Variants in TNXB observed in about 807,000 individuals in gnomAD.
TNXB encodes the protein tenascin-X.
A neutral mutation model predicts 340.5 loss-of-function variants in TNXB; 183 were observed. The ratio of observed to expected loss-of-function variants is 0.54; its 90% confidence interval spans 0.48 to 0.61. The LOEUF is 0.61. Among genes scored for constraint, TNXB ranks in the 20% least tolerant of loss-of-function variants. The probability of loss-of-function intolerance (pLI) is 0.00; values close to 1 mark genes in which losing one functional copy is unlikely to be tolerated. For synonymous variants in TNXB, 2,121 were observed against 2,314.5 expected, an observed-to-expected ratio of 0.92 and a Z score of 2.40; for missense variants, 4,613 against 5,446.4, an observed-to-expected ratio of 0.85 and a Z score of 4.82.
At position 32,097,062 on chromosome 6, in the gene TNXB, C is replaced by T; in HGVS notation, c.791G>A (p.Cys264Tyr). ...ACCAGTGTAGCCTGGGTCACACACG[C>T]AGCGCCCACCCTCACAGCGTCCCCT... ...SQRGRCEGGR[C>Y]VCDPGYTGDD... Residue 264 changes from cysteine (C) to tyrosine (Y), a missense_variant, in exon 3 of 44, where the codon TGC (cysteine) becomes TAC (tyrosine). Transcript: ENST00000644971. The surrounding 1 kb of genome is among the most constrained non-coding windows in gnomAD (Gnocchi z 5.9). 6.2e-7 allele frequency: 1 copy of T among 1,613,798 alleles called. No individual in the cohort carries two copies. Among genetic ancestry groups the T allele is most frequent in the Non-Finnish European group, 8.5e-7 (1 of 1,179,772 alleles).
In TNXB at chr6:32,069,968, T is replaced by C; in HGVS notation, c.5279-107A>G. ...GGAGACAGGGCTTTGCGTGGCTGAGTCCTGCCGGGCTGTGCTAGGGGCTTG... is the reference window on the plus strand; with the variant it reads ...GGAGACAGGGCTTTGCGTGGCTGAGCCCTGCCGGGCTGTGCTAGGGGCTTG... On this transcript the variant is annotated intron_variant, in intron 14 of 43. Transcript: ENST00000644971. This position sits in a 1 kb window ranked among gnomAD's most constrained non-coding sequence, Gnocchi z 6.2. 7.2e-7 allele frequency: 1 copy of C among 1,380,446 alleles called. No homozygotes were observed. The highest frequency in any genetic ancestry group is 9.6e-7 in the Non-Finnish European group (1 of 1,037,582). 85.5% of individuals were successfully genotyped at this position (1,380,446 alleles called of 1,614,324 possible).
At position 32,047,996 on chromosome 6, in the gene TNXB, C is replaced by A. The variant is rs777306398; in HGVS notation, c.10062G>T (p.Pro3354=). The change falls in exon 30 of 44, where the codon CCG becomes CCT. Residue 3354 remains proline, a synonymous_variant. Coordinates refer to ENST00000644971, the MANE Select transcript of TNXB (RefSeq NM_001365276.2). This position sits in a 1 kb window ranked among gnomAD's most constrained non-coding sequence, Gnocchi z 6.2. ...CAGTCAGCTCCCCCAGGCGGGGAGACGGTTTGGTGTCTGGGGCTGGAAAAG... is the reference window on the plus strand; with the variant it reads ...CAGTCAGCTCCCCCAGGCGGGGAGAAGGTTTGGTGTCTGGGGCTGGAAAAG... ...VEARTAPDTK[P]SPRLGELTVT... The A allele has an allele frequency of 6.2e-7, 1 of 1,608,416 alleles. No homozygotes were observed. Among genetic ancestry groups the A allele is most frequent in the Non-Finnish European group, 8.5e-7 (1 of 1,177,496 alleles).
chr6:32,050,264 G>C lies in TNXB; in HGVS notation c.9173C>G (p.Pro3058Arg). 6.2e-7 allele frequency: 1 copy of C among 1,613,506 alleles called. No individual in the cohort carries two copies. The highest frequency in any genetic ancestry group is 8.5e-7 in the Non-Finnish European group (1 of 1,179,864). Reference sequence around the variant, plus strand: ...CAGCTCCCCCAGGCGAGGCTTGATGGGGGGCTCAGGGGTCATGGTAGGCAC... The same window carrying C: ...CAGCTCCCCCAGGCGAGGCTTGATGCGGGGCTCAGGGGTCATGGTAGGCAC... ...QAVPTMTPEP[P>R]IKPRLGELTV... Residue 3058 changes from proline to arginine, a missense_variant, in exon 27 of 44, where the codon CCC becomes CGC. This residue lies in a region of TNXB where 4,327 missense variants were observed against 4,859.4 expected (regional missense o/e 0.89). Transcript: ENST00000644971.
chr6:32,058,423 AG>A lies in TNXB; in HGVS notation c.7493-34del, dbSNP rs746823750. ...GTAATATAGGGGGATACAGAGTTTA[AG>A]GGTTTAAGGGCAACTTGCTTTGCTG... On this transcript the variant is annotated intron_variant, in intron 21 of 43. Coordinates refer to ENST00000644971, the MANE Select transcript of TNXB (RefSeq NM_001365276.2). This position sits in a 1 kb window ranked among gnomAD's most constrained non-coding sequence, Gnocchi z 5.1. The A allele has an allele frequency of 6.7e-7, 1 of 1,499,018 alleles. No homozygotes were observed. Among genetic ancestry groups the A allele is most frequent in the Non-Finnish European group, 9.0e-7 (1 of 1,114,852 alleles). 92.9% of individuals were successfully genotyped at this position (1,499,018 alleles called of 1,614,324 possible).
rs762197443 is a variant in TNXB at position 32,097,161 on chromosome 6, C to A, written c.692G>T (p.Gly231Val). 1 of 1,599,318 alleles carries A rather than the reference C, an allele frequency of 6.3e-7. No individual in the cohort carries two copies. The highest frequency in any genetic ancestry group is 8.5e-7 in the Non-Finnish European group (1 of 1,173,620). The change falls in exon 3 of 44, where the codon GGC becomes GTC. Residue 231 changes from glycine (G) to valine (V), a missense_variant. Coordinates refer to ENST00000644971, the MANE Select transcript of TNXB (RefSeq NM_001365276.2). This position sits in a 1 kb window ranked among gnomAD's most constrained non-coding sequence, Gnocchi z 5.9. Reference protein sequence around the residue: ...DCQGRGRCVQGVCVCRAGFSG... With the variant: ...DCQGRGRCVQVVCVCRAGFSG... ...GAAGCCTGCCCGGCACACACACACG[C>A]CCTGCACGCAGCGCCCACGGCCTTG...
rs1777134731 is a variant in TNXB at position 32,049,556 on chromosome 6, G to A, written c.9471C>T (p.Ser3157=). The A allele has an allele frequency of 6.2e-7, 1 of 1,612,450 alleles. No individual in the cohort carries two copies. Among genetic ancestry groups the A allele is most frequent in the Non-Finnish European group, 8.5e-7 (1 of 1,179,774 alleles). ...EEETPSPTEP[S]TEAPEAPEEP... ...CCTCAGGGGCCTCCGGGGCCTCAGTGCTGGGTTCTGTGGGGCTGGGGGTCT... is the reference window on the plus strand; with the variant it reads ...CCTCAGGGGCCTCCGGGGCCTCAGTACTGGGTTCTGTGGGGCTGGGGGTCT... The change falls in exon 28 of 44, where the codon AGC becomes AGT. Residue 3157 remains serine, a synonymous_variant. Coordinates refer to ENST00000644971, the MANE Select transcript of TNXB (RefSeq NM_001365276.2). This position sits in a 1 kb window ranked among gnomAD's most constrained non-coding sequence, Gnocchi z 4.5.
rs1194532133 is a variant in TNXB at position 32,079,202 on chromosome 6, G to C, written c.4206C>G (p.Phe1402Leu). 6 of 1,613,914 alleles carry C rather than the reference G, an allele frequency of 3.7e-6. No individual in the cohort carries two copies. The South Asian group carries it at 6.6e-5, about 18-fold the overall frequency. Reference sequence around the variant, plus strand: ...CATCCCTGTCCTTGTACTGCACGGTGAAAGAGTCGAAGCTGCCCTGGGGGA... The same window carrying C: ...CATCCCTGTCCTTGTACTGCACGGTCAAAGAGTCGAAGCTGCCCTGGGGGA... ...WTVPQGSFDSFTVQYKDRDGR... is the reference protein window; with the variant it reads ...WTVPQGSFDSLTVQYKDRDGR... Residue 1402 changes from phenylalanine to leucine, a missense_variant, in exon 11 of 44, where the codon TTC becomes TTG. This residue lies in a region of TNXB where 4,327 missense variants were observed against 4,859.4 expected (regional missense o/e 0.89). Coordinates refer to ENST00000644971, the MANE Select transcript of TNXB (RefSeq NM_001365276.2). This position sits in a 1 kb window ranked among gnomAD's most constrained non-coding sequence, Gnocchi z 7.1.
Position 32,097,183 on chromosome 6 carries a change from C to T in TNXB, c.670G>A (p.Gly224Ser). The change falls in exon 3 of 44, where the codon GGC becomes AGC. Residue 224 changes from glycine to serine, a missense_variant. Gly to Ser is a moderately conservative substitution (Grantham distance 56). Transcript: ENST00000644971. This position sits in a 1 kb window ranked among gnomAD's most constrained non-coding sequence, Gnocchi z 5.9. ...ACGCCCTGCACGCAGCGCCCACGGC[C>T]TTGGCAGTCCCCGGGACAGGATGGC... Reference protein sequence around the residue: ...GWPSCPGDCQGRGRCVQGVCV... With the variant: ...GWPSCPGDCQSRGRCVQGVCV... The T allele has an allele frequency of 6.3e-7, 1 of 1,596,074 alleles. No individual in the cohort carries two copies. Among genetic ancestry groups the T allele is most frequent in the South Asian group, 1.1e-5 (1 of 88,796 alleles).
In TNXB at chr6:32,073,633, C is replaced by T. The variant is rs779626792; in HGVS notation, c.4681+14G>A. 2 of 1,598,970 alleles carry T rather than the reference C, an allele frequency of 1.3e-6. No homozygotes were observed. Among genetic ancestry groups the T allele is most frequent in the African/African-American group, 1.3e-5 (1 of 74,664 alleles). On this transcript the variant is annotated intron_variant, in intron 12 of 43. Coordinates refer to ENST00000644971, the MANE Select transcript of TNXB (RefSeq NM_001365276.2). The surrounding 1 kb of genome is among the most constrained non-coding windows in gnomAD (Gnocchi z 4.6). ...GGTAACCAGAGATGAGGACTGAGTC[C>T]CCCCATTACTCACCCGTCACGATGA...
chr6:32,097,868 C>T lies in TNXB; in HGVS notation c.331G>A (p.Glu111Lys), dbSNP rs1780499321. Residue 111 changes from glutamate to lysine, a missense_variant, in exon 2 of 44, where the codon GAG (glutamate) becomes AAG (lysine). Glu to Lys is a moderately conservative substitution (Grantham distance 56). Transcript: ENST00000644971. This position sits in a 1 kb window ranked among gnomAD's most constrained non-coding sequence, Gnocchi z 5.9. ...TCCTTGAGCCCCTTCACCAACTCCT[C>T]CAGGATCTCTAGACGGACCCTCAGG... is the stretch of plus-strand genomic sequence containing the variant. ...QALRVRLEIL[E>K]ELVKGLKEQC... is the part of the protein sequence containing the mutation. 1 of 1,553,422 alleles carries T rather than the reference C, an allele frequency of 6.4e-7. No individual in the cohort carries two copies. The highest frequency in any genetic ancestry group is 8.7e-7 in the Non-Finnish European group (1 of 1,143,778).
At position 32,096,097 on chromosome 6, in the gene TNXB, C is replaced by T. The variant is rs563266055; in HGVS notation, c.1756G>A (p.Gly586Ser). 5.3e-5 allele frequency: 86 copies of T among 1,609,492 alleles called. 2 individuals carry two copies. The South Asian group carries it at 8.8e-4, about 16-fold the overall frequency. The stretch of plus-strand genomic sequence containing the variant: ...CAGTCATTCGGGCACTGCCTCACAC[C>T]GCAATCCTCGCCAGAGTAGCCGTCC... ...CEDGYSGEDCGVRQCPNDCSQ... is the reference protein window; with the variant it reads ...CEDGYSGEDCSVRQCPNDCSQ... Residue 586 changes from glycine to serine, a missense_variant, in exon 3 of 44, where the codon GGT becomes AGT. By Grantham distance (56) the Gly-to-Ser change is moderately conservative (BLOSUM62 0). This residue lies in a region of TNXB where 4,327 missense variants were observed against 4,859.4 expected (regional missense o/e 0.89). Transcript: ENST00000644971.
At position 32,096,096 on chromosome 6, in the gene TNXB, C is replaced by T. The variant is rs749346587; in HGVS notation, c.1757G>A (p.Gly586Asp). The T allele has an allele frequency of 1.2e-6, 2 of 1,609,892 alleles. No individual in the cohort carries two copies. The highest frequency in any genetic ancestry group is 1.7e-6 in the Non-Finnish European group (2 of 1,178,664). ...GCAGTCATTCGGGCACTGCCTCACA[C>T]CGCAATCCTCGCCAGAGTAGCCGTC... The part of the protein sequence containing the change: ...CEDGYSGEDC[G>D]VRQCPNDCSQ... The change falls in exon 3 of 44, where the codon GGT (glycine) becomes GAT (aspartate). Residue 586 changes from glycine to aspartate, a missense_variant. Gly to Asp is a moderately conservative substitution (Grantham distance 94, BLOSUM62 -1). Coordinates refer to ENST00000644971, the MANE Select transcript of TNXB (RefSeq NM_001365276.2).
Position 32,067,750 on chromosome 6 carries a change from C to T in TNXB, c.6455G>A (p.Gly2152Asp), listed in dbSNP as rs763266186. 30 of 1,613,660 alleles carry T rather than the reference C, an allele frequency of 1.9e-5. No homozygotes were observed. The highest frequency in any genetic ancestry group is 6.7e-5 in the African/African-American group (5 of 74,902). ...GGEESEVTVGGLEPGRKYKMH... is the reference protein window; with the variant it reads ...GGEESEVTVGDLEPGRKYKMH... ...CTTGTACTTGCGCCCAGGCTCCAGG[C>T]CCCCCACGGTGACTTCACTCTCCTC... The change falls in exon 18 of 44, where the codon GGC becomes GAC. Residue 2152 changes from glycine (G) to aspartate (D), a missense_variant. This residue lies in a region of TNXB where 4,327 missense variants were observed against 4,859.4 expected (regional missense o/e 0.89). Transcript: ENST00000644971. The surrounding 1 kb of genome is among the most constrained non-coding windows in gnomAD (Gnocchi z 4.2).
intron 24 of TNXB, among the ~76,000 whole-genome samples, chr6:32,055,500 C>A (rs1386218027): frequency 2.0e-5 from 3 of 152,182 alleles, no homozygotes; most frequent in Non-Finnish European, 4.4e-5. Flanking sequence ...CTTCTGTCTT[C>A]CTTCACGGCC....
chr6:32,046,293 G>A lies in TNXB; in HGVS notation c.10488C>T (p.Ala3496=), dbSNP rs1314547678. ...TDGQPRAVPV[A]ADQRTVTVED... ...CTACGGTGACTGTGCGCTGGTCTGC[G>A]GCCACAGGCACTGCCCTGGGCTGCC... is the stretch of plus-strand genomic sequence containing the variant. Residue 3496 remains alanine, a synonymous_variant, in exon 31 of 44, where the codon GCC becomes GCT. Transcript: ENST00000644971. This position sits in a 1 kb window ranked among gnomAD's most constrained non-coding sequence, Gnocchi z 6.9. 9.3e-6 allele frequency: 15 copies of A among 1,606,550 alleles called. No individual in the cohort carries two copies. Among genetic ancestry groups the A allele is most frequent in the African/African-American group, 2.7e-5 (2 of 74,910 alleles).
At chr6:32,050,594 G>A (rs1777227301) in intron 26 of TNXB, among the ~76,000 whole-genome samples, 1 of 151,276 alleles carries the variant, frequency 6.6e-6, no homozygotes, top group African/African-American at 2.4e-5. Flanking sequence ...GCTCCACTTG[G>A]CCTCTGCACC....
At position 32,075,403 on chromosome 6, in the gene TNXB, G is replaced by C. The variant is rs1315510286; in HGVS notation, c.4376-1451C>G. 5.3e-5 allele frequency among the ~76,000 whole-genome samples: 8 copies of C among 152,134 alleles called. No homozygotes were observed. The highest frequency in any genetic ancestry group is 5.2e-4 in the Admixed American group (8 of 15,272). On this transcript the variant is annotated intron_variant, in intron 11 of 43. Transcript: ENST00000644971. The surrounding 1 kb of genome is among the most constrained non-coding windows in gnomAD (Gnocchi z 4.6). ...ATTCCTCACTGTCTGCAGACATCTG[G>C]GGCTGCTTCTCGCCTGCCAGTCTCT... is the stretch of plus-strand genomic sequence containing the variant.
chr6:32,104,514 TC>T (rs920605675), intron 1 of TNXB, among the ~76,000 whole-genome samples: 1 of 152,230 alleles, frequency 6.6e-6, no homozygotes, highest in African/African-American at 2.4e-5. Context: ...TTTCCTTGTA[TC>T]TACCTGTATT....
Position 32,069,951 on chromosome 6 carries a change from G to A in TNXB, c.5279-90C>T. 7.1e-7 allele frequency: 1 copy of A among 1,402,226 alleles called. No individual in the cohort carries two copies. The highest frequency in any genetic ancestry group is 9.5e-7 in the Non-Finnish European group (1 of 1,053,026). 86.9% of individuals were successfully genotyped at this position (1,402,226 alleles called of 1,614,324 possible). Reference sequence around the variant, plus strand: ...GCAGGATTGAGAGGTCTGGAGACAGGGCTTTGCGTGGCTGAGTCCTGCCGG... The same window carrying A: ...GCAGGATTGAGAGGTCTGGAGACAGAGCTTTGCGTGGCTGAGTCCTGCCGG... On this transcript the variant is annotated intron_variant, in intron 14 of 43. Transcript: ENST00000644971. The surrounding 1 kb of genome is among the most constrained non-coding windows in gnomAD (Gnocchi z 6.2).
Sources: allele counts gnomAD v4.1 joint callset (sites outside exome capture counted in the v4.1 genomes callset), GRCh38; gene constraint gnomAD v4.1.1; regional missense constraint gnomAD v4.1.1; non-coding constraint Gnocchi (gnomAD v3.1); transcripts MANE v1.5; gene names NCBI Gene and HGNC (gene_info 2026-07-23, HGNC 2026-07-21).